SLC25A36: variants seen among roughly 807,000 people sequenced by gnomAD.
SLC25A36 encodes epididymis secretory sperm binding protein.
SLC25A36 carries 24 observed loss-of-function variants against 35.3 expected under a neutral mutation model. That is an observed-to-expected ratio of 0.68 (90% CI 0.49 to 0.96). The LOEUF (loss-of-function observed/expected upper bound fraction) is 0.96. SLC25A36 is among the 40% of genes least tolerant of loss of function. The pLI, the probability that SLC25A36 is intolerant of heterozygous loss-of-function variation, is 0.00. For synonymous variants in SLC25A36, 141 were observed against 132.2 expected, an observed-to-expected ratio of 1.07 and a Z score of -0.46; for missense variants, 294 against 381.1, an observed-to-expected ratio of 0.77 and a Z score of 1.90.
intron 1 of SLC25A36, among the ~76,000 whole-genome samples, chr3:140,951,679 G>C (rs1934328180): frequency 6.6e-6 from 1 of 151,910 alleles, no homozygotes; most frequent in Non-Finnish European, 1.5e-5. Context: ...ATTTTCAGTA[G>C]AGGTGGTGTT....
In SLC25A36 at chr3:140,941,856, G is replaced by A; in HGVS notation, c.-199G>A. 2.0e-6 allele frequency: 1 copy of A among 505,040 alleles called. No individual in the cohort carries two copies. Among genetic ancestry groups the A allele is most frequent in the Admixed American group, 4.0e-5 (1 of 24,892 alleles). 31.3% of individuals were successfully genotyped at this position (505,040 alleles called of 1,614,324 possible). A position where few individuals can be genotyped will look rare whatever the true frequency, so the allele number is the denominator to read the frequency against. On this transcript the variant is annotated 5_prime_UTR_variant, in exon 1 of 7. Transcript: ENST00000324194. ...CTTTCAGCCTCTGGTGAAGGGCGGC[G>A]CGCTTAGGCAGGCGGTGGCGCGGCT...
chr3:140,974,669 T>C (rs1285168885), intron 6 of SLC25A36, among the ~76,000 whole-genome samples: 1 of 152,212 alleles, frequency 6.6e-6, no homozygotes, highest in Non-Finnish European at 1.5e-5. Flanking sequence ...TTTTGGTAGC[T>C]TTTTTGGTTG....
intron 4 of SLC25A36, chr3:140,964,282 G>GTATT (rs1934705960): frequency 6.6e-6 from 1 of 151,890 alleles, no homozygotes; most frequent in Non-Finnish European, 1.5e-5. Flanking sequence ...AAGGCTTTTT[G>GTATT]TATTTATTAA....
intron 3 of SLC25A36, among the ~76,000 whole-genome samples, chr3:140,961,855 CAAAAAAA>C (rs553759457): frequency 2.2e-4 from 8 of 35,832 alleles, no homozygotes; most frequent in South Asian, 3.6e-3. Flanking sequence ...GGCTCCGTCT[CAAAAAAA>C]AAAAAAAAAA....
chr3:140,950,918 C>CTCTGTGTCTGTGTGTGTGTGTGTG (rs1934305063), intron 1 of SLC25A36, among the ~76,000 whole-genome samples: 1 of 136,376 alleles, frequency 7.3e-6, no homozygotes, highest in African/African-American at 2.7e-5. Context: ...GTCTGTGTGT[C>CTCTGTGTCTGTGTGTGTGTGTGTG]TGTGTGTGTG....
Position 140,963,244 on chromosome 3 carries a change from T to TA in SLC25A36, c.385+17_385+18insA. 6.9e-7 allele frequency: 1 copy of TA among 1,441,764 alleles called. No individual in the cohort carries two copies. The highest frequency in any genetic ancestry group is 9.4e-7 in the Non-Finnish European group (1 of 1,069,228). 89.3% of individuals were successfully genotyped at this position (1,441,764 alleles called of 1,614,324 possible). ...CAATGGCAGGTATGAATGTATAATA[T>TA]TAAAAAAAAAAAAAACTTTCTGAAA... On this transcript the variant is annotated intron_variant, in intron 4 of 6. Transcript: ENST00000324194.
chr3:140,978,839 G>A lies in SLC25A36; in HGVS notation c.*2386G>A, dbSNP rs1246405323. 1 of 152,140 alleles carries A rather than the reference G, an allele frequency of 6.6e-6. No homozygotes were observed. Among genetic ancestry groups the A allele is most frequent in the Admixed American group, 6.5e-5 (1 of 15,272 alleles). The allele number at this position is 152,140 out of a possible 1,614,324, so 9.4% of individuals were successfully genotyped here. ...AAAAGGAAAACTATATATAAAAGTT[G>A]TATATAAAGTTTGTCTCTGAAATAT... On this transcript the variant is annotated 3_prime_UTR_variant, in exon 7 of 7. Coordinates refer to ENST00000324194, the MANE Select transcript of SLC25A36 (RefSeq NM_001104647.3).
chr3:140,967,122 G>A (rs1004616824), intron 4 of SLC25A36: 15 of 447,488 alleles, frequency 3.4e-5, no homozygotes, highest in African/African-American at 8.0e-5. Flanking sequence ...ATTAGAAGGC[G>A]GGAAATTAAC....
chr3:140,958,598 A>G (rs1427878372), intron 2 of SLC25A36, among the ~76,000 whole-genome samples: 1 of 152,170 alleles, frequency 6.6e-6, no homozygotes, highest in Non-Finnish European at 1.5e-5. Context: ...CAGGCCAACC[A>G]TTCTGGTACC....
At chr3:140,975,289 G>C (rs1935013394) in intron 6 of SLC25A36, among the ~76,000 whole-genome samples, 1 of 151,242 alleles carries the variant, frequency 6.6e-6, no homozygotes, top group Admixed American at 6.6e-5. Context: ...TTAATTTTTA[G>C]TAGAGACATA....
intron 1 of SLC25A36, among the ~76,000 whole-genome samples, chr3:140,950,536 T>A (rs1934290915): frequency 6.6e-6 from 1 of 152,212 alleles, no homozygotes. Context: ...TTTAGTTTAC[T>A]TTCTTAATTT....
At chr3:140,972,702 A>C (rs2107815643) in intron 5 of SLC25A36, 1 of 152,252 alleles carries the variant, frequency 6.6e-6, no homozygotes, top group East Asian at 1.9e-4. Context: ...ATCTCTTTTA[A>C]CTTTCTTGTG....
At chr3:140,969,205 C>T (rs1407833675) in intron 4 of SLC25A36, among the ~76,000 whole-genome samples, 1 of 151,776 alleles carries the variant, frequency 6.6e-6, no homozygotes, top group African/African-American at 2.4e-5. Flanking sequence ...TACTCTATAA[C>T]TTTATTCTCA....
Position 140,942,152 on chromosome 3 carries a change from A to AGGCGAGGGG in SLC25A36, c.41+70_41+78dup, listed in dbSNP as rs1164503155. ...CTGAGGGTGCTGGGGCCGAAGACGC[A>AGGCGAGGGG]GGCGAGGGGGGCGAGGGGGGCCGAG... On this transcript the variant is annotated intron_variant, in intron 1 of 6. Transcript: ENST00000324194. 271 of 202,284 alleles carry AGGCGAGGGG rather than the reference A, an allele frequency of 1.3e-3. 4 individuals are homozygous for AGGCGAGGGG. The East Asian group carries it at 0.029, about 21-fold the overall frequency. The allele number at this position is 202,284 out of a possible 1,614,324, so 12.5% of individuals were successfully genotyped here.
chr3:140,980,694 G>C lies in SLC25A36; in HGVS notation c.*4241G>C, dbSNP rs1340759690. Among the ~76,000 whole-genome samples the C allele has an allele frequency of 5.6e-4, 52 of 93,526 alleles. No homozygotes were observed. The highest frequency in any genetic ancestry group is 1.4e-3 in the African/African-American group (35 of 24,610). 61.4% of individuals were successfully genotyped at this position (93,526 alleles called of 152,430 possible). On this transcript the variant is annotated 3_prime_UTR_variant, in exon 7 of 7. Transcript: ENST00000324194. Reference sequence around the variant, plus strand: ...CAAAATGTAATTAAATGTTCCCCCTGCCCCCCCCCCCTTTTAATATATATA... The same window carrying C: ...CAAAATGTAATTAAATGTTCCCCCTCCCCCCCCCCCCTTTTAATATATATA...
Position 140,942,125 on chromosome 3 carries a change from G to T in SLC25A36, c.41+30G>T, listed in dbSNP as rs371684070. Reference sequence around the variant, plus strand: ...GGTCCTGGCGGGGCGTGCGCACTGGGGCTGAGGGTGCTGGGGCCGAAGACG... The same window carrying T: ...GGTCCTGGCGGGGCGTGCGCACTGGTGCTGAGGGTGCTGGGGCCGAAGACG... On this transcript the variant is annotated intron_variant, in intron 1 of 6. Coordinates refer to ENST00000324194, the MANE Select transcript of SLC25A36 (RefSeq NM_001104647.3). 8.1e-4 allele frequency: 913 copies of T among 1,124,642 alleles called. 4 individuals carry two copies. Among genetic ancestry groups the T allele is most frequent in the Non-Finnish European group, 1.0e-3 (852 of 819,916 alleles). 69.7% of individuals were successfully genotyped at this position (1,124,642 alleles called of 1,614,324 possible). A position where few individuals can be genotyped will look rare whatever the true frequency, so the allele number is the denominator to read the frequency against.
chr3:140,962,673 A>G (rs909609721), intron 3 of SLC25A36, among the ~76,000 whole-genome samples: 10 of 152,134 alleles, frequency 6.6e-5, no homozygotes, highest in African/African-American at 2.2e-4. Flanking sequence ...TGCTCATACC[A>G]TATCTACTTA....
chr3:140,959,209 T>G (rs1186860253), intron 2 of SLC25A36, among the ~76,000 whole-genome samples: 1 of 151,500 alleles, frequency 6.6e-6, no homozygotes, highest in Non-Finnish European at 1.5e-5. Flanking sequence ...AGCAACGAGG[T>G]TTTACCAGGT....
At chr3:140,964,711 T>C (rs1934716063) in intron 4 of SLC25A36, 1 of 151,864 alleles carries the variant, frequency 6.6e-6, no homozygotes, top group Non-Finnish European at 1.5e-5. Flanking sequence ...TATAAAGAAA[T>C]GTTAATCTTA....
Sources: allele counts gnomAD v4.1 joint callset (sites outside exome capture counted in the v4.1 genomes callset), GRCh38; gene constraint gnomAD v4.1.1; transcripts MANE v1.5; gene names NCBI Gene and HGNC (gene_info 2026-07-23, HGNC 2026-07-21).